The following PRKAR1A variants were observed in gnomAD, a reference collection of about 807,000 sequenced individuals.
PRKAR1A encodes cAMP-dependent protein kinase type I-alpha regulatory subunit.
Under a neutral mutation model 52.0 loss-of-function variants are expected in PRKAR1A, and 3 were observed. The ratio of observed to expected loss-of-function variants is 0.06; its 90% CI spans 0.03 to 0.15. PRKAR1A has a LOEUF of 0.15. Among genes scored for constraint, PRKAR1A ranks in the 10% least tolerant of loss-of-function variants. The pLI is 1.00. For missense variants in PRKAR1A, 240 were observed against 477.4 expected (o/e 0.50, Z 4.63); for synonymous variants, 188 against 168.4 (o/e 1.12, Z -0.90).
chr17:68,536,251 C>G, downstream of PRKAR1A: 1 of 454,098 alleles, frequency 2.2e-6, no homozygotes, highest in Non-Finnish European at 4.4e-6. Context: ...CTCATGCTTA[C>G]AGTATTTGAA....
downstream of PRKAR1A, chr17:68,537,122 A>T (rs188485434): frequency 2.1e-6 from 1 of 479,734 alleles, no homozygotes; most frequent in Non-Finnish European, 4.1e-6. The surrounding 1 kb of genome is among the most constrained non-coding windows in gnomAD (Gnocchi z 4.2). Context: ...GAAGTCAGGT[A>T]TCCACTTGAT....
At chr17:68,525,491 G>T (rs1313879399) in intron 6 of PRKAR1A, among the ~76,000 whole-genome samples, 1 of 152,152 alleles carries the variant, frequency 6.6e-6, no homozygotes, top group African/African-American at 2.4e-5. Flanking sequence ...TGGTATTAGT[G>T]CTTAGCTGAC....
At chr17:68,513,412 C>T (rs2085333513) in intron 1 of PRKAR1A, 1 of 152,242 alleles carries the variant, frequency 6.6e-6, no homozygotes. Flanking sequence ...CGTAACTTGG[C>T]TGGTCTAAGG....
chr17:68,418,510 A>G, the PRKAR1A span, among the ~76,000 whole-genome samples: 7 of 149,224 alleles, frequency 4.7e-5, no homozygotes. Flanking sequence ...CAGTAATAAA[A>G]AAGGGTTGTC....
At chr17:68,480,629 C>T in the PRKAR1A span, among the ~76,000 whole-genome samples, 1 of 152,170 alleles carries the variant, frequency 6.6e-6, no homozygotes, top group Non-Finnish European at 1.5e-5. Context: ...CTCACTGCAG[C>T]CTCAACCTCC....
At position 68,531,502 on chromosome 17, in the gene PRKAR1A, C is replaced by T; in HGVS notation, c.*1053C>T. On this transcript the variant is annotated 3_prime_UTR_variant, in exon 11 of 11. Transcript: ENST00000589228. ...GACAAAGTTCAGTGTCGGGAATTTT[C>T]CCCGTGACATTCACTGGGGCATGAG... 9.4e-7 allele frequency: 1 copy of T among 1,066,282 alleles called. No individual in the cohort carries two copies. Among genetic ancestry groups the T allele is most frequent in the Non-Finnish European group, 1.1e-6 (1 of 879,620 alleles). The allele number at this position is 1,066,282 out of a possible 1,614,324, so 66.1% of individuals were successfully genotyped here.
chr17:68,428,041 A>G, the PRKAR1A span, among the ~76,000 whole-genome samples: 121,062 of 151,928 alleles, frequency 0.8, 48,291 homozygotes, highest in African/African-American at 0.83. Context: ...CAAGGCATGT[A>G]CCACCATGCC....
intron 11 of PRKAR1A, among the ~76,000 whole-genome samples, chr17:68,550,394 TTTA>T (rs1336036504): frequency 1.4e-5 from 2 of 139,534 alleles, no homozygotes; most frequent in African/African-American, 6.1e-5. Flanking sequence ...TTTTTTTTTT[TTTA>T]AGATAGAGAG....
At chr17:68,524,761 G>T in intron 5 of PRKAR1A, 151 bp from the exon 6 acceptor site, 1 of 689,254 alleles carries the variant, frequency 1.5e-6, no homozygotes, top group Non-Finnish European at 2.5e-6. Flanking sequence ...TTTAAAATAT[G>T]TTGCTTGATT....
At chr17:68,496,458 C>G in the PRKAR1A span, among the ~76,000 whole-genome samples, 1 of 152,188 alleles carries the variant, frequency 6.6e-6, no homozygotes, top group Non-Finnish European at 1.5e-5. Context: ...ATTACACCGG[C>G]CACGTCCAGA....
chr17:68,497,703 A>AT, the PRKAR1A span, among the ~76,000 whole-genome samples: 1 of 152,188 alleles, frequency 6.6e-6, no homozygotes, highest in Non-Finnish European at 1.5e-5. Context: ...ATGAAAAAAA[A>AT]CTGAAGCTTA....
At chr17:68,473,657 G>A in the PRKAR1A span, among the ~76,000 whole-genome samples, 2 of 152,060 alleles carry the variant, frequency 1.3e-5, no homozygotes, top group African/African-American at 4.8e-5. Context: ...CAAGTAGCTC[G>A]GACTACAGGC....
chr17:68,546,540 G>A (rs1005724691), intron 11 of PRKAR1A, among the ~76,000 whole-genome samples: 1 of 151,996 alleles, frequency 6.6e-6, no homozygotes, highest in East Asian at 1.9e-4. Flanking sequence ...TTCTTAAATT[G>A]TAAGACTTGG....
At chr17:68,496,040 T>TCCCCCCTCC in the PRKAR1A span, among the ~76,000 whole-genome samples, 1 of 6,408 alleles carries the variant, frequency 1.6e-4, no homozygotes, top group African/African-American at 6.4e-4. Flanking sequence ...TCCCCTCCTC[T>TCCCCCCTCC]CCTCTCCTCT....
the PRKAR1A span, among the ~76,000 whole-genome samples, chr17:68,460,251 G>A: frequency 4.6e-5 from 7 of 152,144 alleles, no homozygotes; most frequent in South Asian, 6.2e-4. Context: ...TCTCAGTAGA[G>A]TCTTGAGGGA....
At chr17:68,543,646 T>G in intron 11 of PRKAR1A, 1 of 1,614,120 alleles carries the variant, frequency 6.2e-7, no homozygotes, top group Non-Finnish European at 8.5e-7. Flanking sequence ...GATGGAAAGC[T>G]GCGATCTCAG....
intron 11 of PRKAR1A, among the ~76,000 whole-genome samples, chr17:68,540,337 A>G (rs1285451513): frequency 6.6e-6 from 1 of 152,184 alleles, no homozygotes; most frequent in African/African-American, 2.4e-5. Context: ...TAGTAAACAG[A>G]CACAGCTAAA....
intron 10 of PRKAR1A, 89 bp downstream of exon 10, chr17:68,530,090 C>T: frequency 6.6e-7 from 1 of 1,525,960 alleles, no homozygotes; most frequent in South Asian, 1.1e-5. Context: ...TTTGTCTTCT[C>T]CTGAATTTTA....
chr17:68,428,917 G>T, the PRKAR1A span: 11 of 1,613,992 alleles, frequency 6.8e-6, no homozygotes, highest in Non-Finnish European at 9.3e-6. Context: ...GCAACTAGCA[G>T]CCGTGGCAAC....
Sources: allele counts gnomAD v4.1 joint callset (sites outside exome capture counted in the v4.1 genomes callset), GRCh38; gene constraint gnomAD v4.1.1; non-coding constraint Gnocchi (gnomAD v3.1); transcripts MANE v1.5; gene names NCBI Gene and HGNC (gene_info 2026-07-23, HGNC 2026-07-21).